ADGRV1: variants seen among roughly 807,000 people sequenced by gnomAD.
ADGRV1 encodes the protein adhesion G protein-coupled receptor V1.
In ADGRV1, 359 loss-of-function variants were observed where a neutral mutation model predicts 596.2. That is an observed-to-expected ratio of 0.60 (90% CI 0.55 to 0.66). The LOEUF (loss-of-function observed/expected upper bound fraction) is 0.66. ADGRV1 is among the 30% of genes least tolerant of loss of function. The pLI is 0.00. For missense variants in ADGRV1, 7,274 were observed against 7,575.6 expected (o/e 0.96, Z 1.48); for synonymous variants, 2,681 against 2,679.2 (o/e 1.00, Z -0.02).
Position 90,757,224 on chromosome 5 carries a change from A to C in ADGRV1, c.11940+63A>C, listed in dbSNP as rs1057344475. The C allele has an allele frequency of 1.2e-5, 17 of 1,364,820 alleles. No individual in the cohort carries two copies. In the East Asian group the frequency reaches 3.7e-4, roughly 30 times the overall value. 84.5% of individuals were successfully genotyped at this position (1,364,820 alleles called of 1,614,324 possible). On this transcript the variant is annotated intron_variant, in intron 57 of 89. Transcript: ENST00000405460. ...TGCTTCAGACATTTTGTAGGCATCC[A>C]TCAAATGAATGTACATTGGTGATTG...
intron 87 of ADGRV1, among the ~76,000 whole-genome samples, chr5:91,134,116 G>A (rs1384049612): frequency 6.6e-6 from 1 of 151,870 alleles, no homozygotes; most frequent in African/African-American, 2.4e-5. Context: ...TTCAAGGGAA[G>A]AAAAGTAGGC....
intron 1 of ADGRV1, among the ~76,000 whole-genome samples, chr5:90,573,965 T>C (rs1317641829): frequency 2.0e-5 from 3 of 152,226 alleles, no homozygotes; most frequent in Admixed American, 1.3e-4. Flanking sequence ...GTTGTAGGTA[T>C]GCAGCTTTAT....
chr5:91,028,517 A>C (rs926744677), intron 85 of ADGRV1, among the ~76,000 whole-genome samples: 2 of 151,994 alleles, frequency 1.3e-5, no homozygotes, highest in African/African-American at 4.8e-5. Context: ...CCCTGCCCTA[A>C]GCATATTTTC....
chr5:90,565,251 T>C (rs1468432556), intron 1 of ADGRV1, among the ~76,000 whole-genome samples: 4 of 152,090 alleles, frequency 2.6e-5, no homozygotes, highest in Admixed American at 6.6e-5. Context: ...AAAAAAGTTG[T>C]GCAACCATCA....
Position 90,916,813 on chromosome 5 carries a change from T to C in ADGRV1, c.17857-48602T>C, listed in dbSNP as rs1223514436. 2.7e-5 allele frequency among the ~76,000 whole-genome samples: 3 copies of C among 111,408 alleles called. No individual in the cohort carries two copies. In the East Asian group the frequency reaches 2.1e-3, roughly 77 times the overall value. The allele number at this position is 111,408 out of a possible 152,430, so 73.1% of individuals were successfully genotyped here. ...ACGCCCGGCTAATTTTTTGTATTTT[T>C]AGTAGAGACGGGGTTTCACCGTTTT... On this transcript the variant is annotated intron_variant, in intron 83 of 89. Coordinates refer to ENST00000405460, the MANE Select transcript of ADGRV1 (RefSeq NM_032119.4).
rs1348381055 is a variant in ADGRV1, at chr5:90,790,652, T to A, written c.14044-221T>A. Among the ~76,000 whole-genome samples, 5 of 152,210 alleles carry A rather than the reference T, an allele frequency of 3.3e-5. No homozygotes were observed. In the East Asian group the frequency reaches 9.6e-4, roughly 29 times the overall value. On this transcript the variant is annotated intron_variant, in intron 69 of 89. Transcript: ENST00000405460. ...ATTGTGCTGTTATTTTAGAAGCAGG[T>A]AAAATAATGAGATTTTGTAATCTTA...
rs1290650618 is a variant in ADGRV1 at position 90,880,101 on chromosome 5, G to T, written c.17856+16244G>T. 2.0e-5 allele frequency among the ~76,000 whole-genome samples: 3 copies of T among 151,522 alleles called. No individual in the cohort carries two copies. The South Asian group carries it at 6.3e-4, about 32-fold the overall frequency. Reference sequence around the variant, plus strand: ...TCCTGTTATATTCCAGAGACTTCAGGTATGCTACTTTATTTTATTCTCACA... The same window carrying T: ...TCCTGTTATATTCCAGAGACTTCAGTTATGCTACTTTATTTTATTCTCACA... On this transcript the variant is annotated intron_variant, in intron 83 of 89. Transcript: ENST00000405460.
At chr5:90,959,292 G>A (rs1419439781) in intron 83 of ADGRV1, among the ~76,000 whole-genome samples, 1 of 151,260 alleles carries the variant, frequency 6.6e-6, no homozygotes, top group African/African-American at 2.4e-5. Flanking sequence ...TTTTTTTAAT[G>A]TGTGAAGGAG....
chr5:90,765,909 TTTAA>T (rs1412669241), intron 59 of ADGRV1, among the ~76,000 whole-genome samples: 2 of 151,452 alleles, frequency 1.3e-5, no homozygotes, highest in Non-Finnish European at 2.9e-5. Flanking sequence ...TTTATTTTAT[TTTAA>T]TTAATTAGTT....
intron 85 of ADGRV1, among the ~76,000 whole-genome samples, chr5:91,028,447 T>C (rs1015197360): frequency 6.6e-6 from 1 of 152,194 alleles, no homozygotes; most frequent in African/African-American, 2.4e-5. Flanking sequence ...GACTTTGATA[T>C]CCTTAAAGTT....
intron 50 of ADGRV1, among the ~76,000 whole-genome samples, chr5:90,739,448 T>C (rs555630974): frequency 6.6e-6 from 1 of 152,312 alleles, no homozygotes; most frequent in South Asian, 2.1e-4. Context: ...GTGATAGAAC[T>C]TCACTATTTA....
intron 83 of ADGRV1, among the ~76,000 whole-genome samples, chr5:90,900,185 C>T (rs1478009759): frequency 3.9e-5 from 6 of 151,904 alleles, no homozygotes; most frequent in Non-Finnish European, 8.8e-5. Flanking sequence ...GCAATAAAGA[C>T]AATAATAAAT....
chr5:90,853,557 A>T lies in ADGRV1; in HGVS notation c.17454+24A>T, dbSNP rs1204842402. The T allele has an allele frequency of 7.5e-6, 12 of 1,595,042 alleles. No homozygotes were observed. The Admixed American group carries it at 8.6e-5, about 11-fold the overall frequency. On this transcript the variant is annotated intron_variant, in intron 80 of 89. Transcript: ENST00000405460. ...AGGTAATCTTTCATTCAAAACACTT[A>T]TGTGGTTGGAATCTGATTTATTTCT...
At chr5:90,674,255 G>T (rs1487495289) in intron 23 of ADGRV1, 21 bp downstream of exon 23, 1 of 1,534,422 alleles carries the variant, frequency 6.5e-7, no homozygotes, top group Non-Finnish European at 8.8e-7. Flanking sequence ...CCTTTTGCAA[G>T]AAAAATCCTC....
chr5:90,742,293 A>G (rs1754054656), intron 50 of ADGRV1, among the ~76,000 whole-genome samples: 1 of 152,228 alleles, frequency 6.6e-6, no homozygotes, highest in Non-Finnish European at 1.5e-5. Flanking sequence ...AGAGATGCCC[A>G]GAAAACTTAC....
intron 89 of ADGRV1, among the ~76,000 whole-genome samples, chr5:91,156,815 G>A (rs1288174820): frequency 1.3e-5 from 2 of 152,086 alleles, no homozygotes; most frequent in East Asian, 1.9e-4. Context: ...GTCAAATAAA[G>A]GTCAGTCTAC....
At chr5:90,681,061 A>G (rs1049919172) in intron 26 of ADGRV1, among the ~76,000 whole-genome samples, 8 of 152,222 alleles carry the variant, frequency 5.3e-5, no homozygotes, top group African/African-American at 1.7e-4. Flanking sequence ...AAAAAGAAAA[A>G]CAAGTTTTCC....
chr5:91,161,640 G>T (rs974162143), intron 89 of ADGRV1, among the ~76,000 whole-genome samples: 1 of 151,606 alleles, frequency 6.6e-6, no homozygotes, highest in East Asian at 1.9e-4. Context: ...GGTTCTTGAA[G>T]AAAGGAGTTT....
chr5:91,045,315 C>T (rs989950715), intron 85 of ADGRV1, among the ~76,000 whole-genome samples: 2 of 152,082 alleles, frequency 1.3e-5, no homozygotes, highest in African/African-American at 4.8e-5. Context: ...CGGAATCCAA[C>T]AACATATCAA....
Sources: gnomAD v4.1 joint callset for allele counts (sites outside exome capture counted in the v4.1 genomes callset) on GRCh38, gnomAD v4.1.1 for gene constraint, MANE v1.5 for transcripts, NCBI Gene and HGNC (gene_info 2026-07-23, HGNC 2026-07-21) for gene names.